CSMD3: variants seen among roughly 807,000 people sequenced by gnomAD.
The protein encoded by CSMD3 is CUB and Sushi multiple domains 3, also known as CUB and sushi domain-containing protein 3.
Under a neutral mutation model 435.2 loss-of-function variants are expected in CSMD3, and 177 were observed. That is an observed-to-expected ratio of 0.41 (90% confidence interval 0.36 to 0.46). CSMD3 has a LOEUF of 0.46. Ranked by LOEUF, CSMD3 falls within the 20% of genes least tolerant of loss-of-function variation. CSMD3 has a pLI of 0.34. For synonymous variants in CSMD3, 1,656 were observed against 1,520.5 expected (o/e 1.09, Z -2.07); for missense variants, 4,265 against 4,504.6 (o/e 0.95, Z 1.52).
intron 2 of CSMD3, among the ~76,000 whole-genome samples, chr8:113,292,472 G>A (rs2054454): frequency 0.11 from 17,101 of 151,628 alleles, 1,044 homozygotes; most frequent in Middle Eastern, 0.18. Flanking sequence ...TGCATATTTG[G>A]AAACTAAATA....
intron 9 of CSMD3, among the ~76,000 whole-genome samples, chr8:112,930,876 C>T (rs938730675): frequency 6.6e-6 from 1 of 151,956 alleles, no homozygotes; most frequent in African/African-American, 2.4e-5. Flanking sequence ...AATATTTACC[C>T]CTTGAATCCT....
chr8:113,174,738 T>A (rs1463602632), intron 3 of CSMD3, among the ~76,000 whole-genome samples: 2 of 151,904 alleles, frequency 1.3e-5, no homozygotes, highest in African/African-American at 2.4e-5. Context: ...TTTGTTCTCA[T>A]ATTGTTTTCT....
intron 13 of CSMD3, among the ~76,000 whole-genome samples, chr8:112,736,630 T>C (rs1032823886): frequency 1.4e-4 from 21 of 152,038 alleles, no homozygotes; most frequent in Admixed American, 6.6e-4. Context: ...GGTGTTATCT[T>C]TGCTGTTCTA....
chr8:113,172,815 C>A (rs1193748476), intron 4 of CSMD3, among the ~76,000 whole-genome samples: 1 of 152,124 alleles, frequency 6.6e-6, no homozygotes, highest in African/African-American at 2.4e-5. Flanking sequence ...GAAGCATATG[C>A]TTACTAAGGA....
At chr8:112,715,351 G>T (rs1228693699) in intron 13 of CSMD3, among the ~76,000 whole-genome samples, 1 of 151,946 alleles carries the variant, frequency 6.6e-6, no homozygotes, top group Non-Finnish European at 1.5e-5. Flanking sequence ...CTGGACTCAT[G>T]CACCCTCCAA....
intron 13 of CSMD3, among the ~76,000 whole-genome samples, chr8:112,730,387 A>T (rs532180638): frequency 1.3e-5 from 2 of 152,260 alleles, no homozygotes; most frequent in Non-Finnish European, 2.9e-5. Flanking sequence ...TCATTATTTC[A>T]TACATGGTCA....
intron 4 of CSMD3, among the ~76,000 whole-genome samples, chr8:113,113,239 T>A (rs2090718046): frequency 6.6e-6 from 1 of 152,174 alleles, no homozygotes. Flanking sequence ...GCATGCTATG[T>A]ATATAGTTTT....
chr8:113,397,735 G>T (rs1371071789), intron 1 of CSMD3, among the ~76,000 whole-genome samples: 1 of 151,756 alleles, frequency 6.6e-6, no homozygotes, highest in African/African-American at 2.4e-5. Flanking sequence ...GGAGAATGGC[G>T]TGAACCCGGT....
At chr8:112,250,662 C>A (rs1453762980) in intron 63 of CSMD3, among the ~76,000 whole-genome samples, 1 of 151,482 alleles carries the variant, frequency 6.6e-6, no homozygotes, top group African/African-American at 2.4e-5. Flanking sequence ...TCAAAAAATT[C>A]TTGGAAAAAT....
At chr8:112,581,064 A>AT (rs1357071885) in intron 23 of CSMD3, among the ~76,000 whole-genome samples, 5 of 152,112 alleles carry the variant, frequency 3.3e-5, no homozygotes, top group African/African-American at 1.2e-4. Flanking sequence ...TTCACTGAAT[A>AT]TTTTTGCAGG....
At chr8:112,714,301 A>T (rs2076676200) in intron 13 of CSMD3, among the ~76,000 whole-genome samples, 1 of 148,798 alleles carries the variant, frequency 6.7e-6, no homozygotes, top group Non-Finnish European at 1.5e-5. Context: ...ACAGACTTTT[A>T]ACCATCAAAG....
At chr8:112,881,009 A>G (rs538685635) in intron 10 of CSMD3, among the ~76,000 whole-genome samples, 1 of 152,206 alleles carries the variant, frequency 6.6e-6, no homozygotes, top group Admixed American at 6.6e-5. Context: ...ATATCCATTT[A>G]GTTTAAATGC....
intron 9 of CSMD3, among the ~76,000 whole-genome samples, chr8:112,947,296 G>T (rs1371664839): frequency 1.3e-5 from 2 of 151,686 alleles, no homozygotes; most frequent in Non-Finnish European, 2.9e-5. Flanking sequence ...ATACTAATTT[G>T]TGATGGATAT....
intron 70 of CSMD3, among the ~76,000 whole-genome samples, chr8:112,228,394 T>C (rs887218484): frequency 6.6e-6 from 1 of 152,172 alleles, no homozygotes; most frequent in African/African-American, 2.4e-5. Flanking sequence ...TCTAAACATA[T>C]CTGGCAGCAG....
chr8:113,322,706 C>T (rs1390631944), intron 1 of CSMD3, among the ~76,000 whole-genome samples: 1 of 152,044 alleles, frequency 6.6e-6, no homozygotes, highest in Non-Finnish European at 1.5e-5. Context: ...TTGACATTTT[C>T]AATGTTATGA....
At chr8:112,473,669 G>T (rs1818743849) in intron 31 of CSMD3, among the ~76,000 whole-genome samples, 1 of 151,420 alleles carries the variant, frequency 6.6e-6, no homozygotes, top group Non-Finnish European at 1.5e-5. Context: ...TGGCAATCTG[G>T]AGTGTAAGAG....
intron 31 of CSMD3, among the ~76,000 whole-genome samples, chr8:112,487,599 G>T (rs1820266761): frequency 6.6e-6 from 1 of 152,134 alleles, no homozygotes; most frequent in South Asian, 2.1e-4. Flanking sequence ...TCTGAATTAT[G>T]CTCCAAAGAT....
At position 112,685,590 on chromosome 8, in the gene CSMD3, A is replaced by G. The variant is rs1016370411; in HGVS notation, c.2298T>C (p.Phe766=). ...GSRIHLSFND[F]DLESQFDFLA... is the part of the protein sequence containing the mutation. ...GGAAATCAAACTGGGATTCCAGGTC[A>G]AAGTCATTGAAAGAAAGATGTATCC... is the stretch of plus-strand genomic sequence containing the variant. Residue 766 remains phenylalanine, a synonymous_variant, in exon 15 of 71, where the codon TTT becomes TTC. Coordinates refer to ENST00000297405, the MANE Select transcript of CSMD3 (RefSeq NM_198123.2). 2 of 1,613,860 alleles carry G rather than the reference A, an allele frequency of 1.2e-6. No homozygotes were observed. The highest frequency in any genetic ancestry group is 1.7e-5 in the Admixed American group (1 of 59,972).
chr8:113,347,561 C>T (rs1006133455), intron 1 of CSMD3, among the ~76,000 whole-genome samples: 4 of 151,980 alleles, frequency 2.6e-5, no homozygotes, highest in Admixed American at 2.6e-4. Flanking sequence ...AGAGTGGGAG[C>T]GACAGCTAAG....
Sources: allele counts gnomAD v4.1 joint callset (sites outside exome capture counted in the v4.1 genomes callset), GRCh38; gene constraint gnomAD v4.1.1; transcripts MANE v1.5; gene names NCBI Gene and HGNC (gene_info 2026-07-23, HGNC 2026-07-21).